Variants in RAD51 observed in about 807,000 individuals in gnomAD.
RAD51 encodes RAD51 recombinase.
RAD51 carries 14 observed loss-of-function variants against 41.5 expected under a neutral mutation model. The observed-to-expected ratio is 0.34, with a 90% CI of 0.22 to 0.53. The LOEUF (loss-of-function observed/expected upper bound fraction) is 0.53. Ranked by LOEUF, RAD51 falls within the 20% of genes least tolerant of loss-of-function variation. The probability of loss-of-function intolerance (pLI) is 0.95; values close to 1 mark genes in which losing one functional copy is unlikely to be tolerated. For synonymous variants in RAD51, 136 were observed against 148.6 expected, an observed-to-expected ratio of 0.92 and a Z score of 0.62; for missense variants, 234 against 422.0, an observed-to-expected ratio of 0.55 and a Z score of 3.90.
intron 2 of RAD51, among the ~76,000 whole-genome samples, chr15:40,699,718 T>C (rs901199881): frequency 1.3e-5 from 2 of 152,218 alleles, no homozygotes; most frequent in Admixed American, 6.5e-5. Context: ...TCAGCTGTCA[T>C]TGGCAGAGAG....
At chr15:40,713,991 A>ATGCTT (rs1895855561) in intron 5 of RAD51, among the ~76,000 whole-genome samples, 1 of 72,630 alleles carries the variant, frequency 1.4e-5, no homozygotes, top group Non-Finnish European at 2.6e-5. Flanking sequence ...TCAGAAATAA[A>ATGCTT]TTCTTTTTTT....
chr15:40,706,346 G>A, intron 4 of RAD51, 52 bp downstream of exon 4: 1 of 1,404,834 alleles, frequency 7.1e-7, no homozygotes, highest in Non-Finnish European at 1.0e-6. Context: ...AAAGCTTCCA[G>A]GTTATAAAAC....
intron 9 of RAD51, 63 bp from the exon 10 acceptor site, chr15:40,730,992 A>G (rs1446564608): frequency 6.2e-7 from 1 of 1,609,168 alleles, no homozygotes; most frequent in Non-Finnish European, 8.5e-7. Flanking sequence ...CTCTGTTACA[A>G]AGTCAGGAAC....
chr15:40,729,875 C>G lies in RAD51; in HGVS notation c.797C>G (p.Thr266Ser). The change falls in exon 9 of 10, where the codon ACT becomes AGT. Residue 266 changes from threonine to serine, a missense_variant. Thr to Ser is a moderately conservative substitution (Grantham distance 58, BLOSUM62 1). Around this residue, in one of 2 missense-constraint regions of RAD51, gnomAD observed 134 missense variants for 286.5 expected, o/e 0.47. Coordinates refer to ENST00000267868, the MANE Select transcript of RAD51 (RefSeq NM_002875.5). Reference protein sequence around the residue: ...ADEFGVAVVITNQVVAQVDGA... With the variant: ...ADEFGVAVVISNQVVAQVDGA... ...CAGTTTGGTGTAGCAGTGGTAATCA[C>G]TAATCAGGTGGTAGCTCAAGTGGAT... 6.2e-7 allele frequency: 1 copy of G among 1,614,180 alleles called. No homozygotes were observed. Among genetic ancestry groups the G allele is most frequent in the Non-Finnish European group, 8.5e-7 (1 of 1,180,036 alleles).
rs865913451 is a variant in RAD51, at chr15:40,705,577, T to C, written c.226-600T>C. 1.6e-4 allele frequency among the ~76,000 whole-genome samples: 25 copies of C among 152,266 alleles called. No individual in the cohort carries two copies. The South Asian group carries it at 1.7e-3, about 10-fold the overall frequency. On this transcript the variant is annotated intron_variant, in intron 3 of 9. Transcript: ENST00000267868. ...TGTCATAAATTGGGCAAAACACATA[T>C]GTACGGATCTCTAATAGTTTTTTGT...
chr15:40,710,592 C>A (rs1168483461), intron 5 of RAD51, among the ~76,000 whole-genome samples: 1 of 150,936 alleles, frequency 6.6e-6, no homozygotes, highest in Non-Finnish European at 1.5e-5. Context: ...TCTTGGCAGT[C>A]TACTTTCTCC....
At chr15:40,699,511 C>A (rs1894853609) in intron 2 of RAD51, among the ~76,000 whole-genome samples, 1 of 152,180 alleles carries the variant, frequency 6.6e-6, no homozygotes. Flanking sequence ...ATCTTGAACT[C>A]CTGGCCTCAA....
At chr15:40,707,916 C>A (rs371164375) in intron 4 of RAD51, among the ~76,000 whole-genome samples, 2 of 151,678 alleles carry the variant, frequency 1.3e-5, no homozygotes, top group East Asian at 3.9e-4. Context: ...CGGGATTTCA[C>A]CGTCTTGGCC....
chr15:40,727,123 AT>A (rs72416525), intron 6 of RAD51, among the ~76,000 whole-genome samples: 3,978 of 151,062 alleles, frequency 0.026, 173 homozygotes, highest in African/African-American at 0.092. Context: ...TTAATTTTTA[AT>A]TTTTTTTTAA....
chr15:40,701,590 C>G (rs1894998838), intron 3 of RAD51, among the ~76,000 whole-genome samples: 1 of 151,652 alleles, frequency 6.6e-6, no homozygotes, highest in Non-Finnish European at 1.5e-5. Context: ...CTCAGCCTCC[C>G]AAAGTGCTGG....
intron 6 of RAD51, among the ~76,000 whole-genome samples, chr15:40,726,912 CAAA>C (rs529781901): frequency 5.8e-5 from 7 of 120,568 alleles, no homozygotes; most frequent in South Asian, 2.7e-4. Context: ...GACTCCGTCT[CAAA>C]AAAAAAAAAA....
chr15:40,713,939 G>C (rs1895852387), intron 5 of RAD51, among the ~76,000 whole-genome samples: 2 of 151,126 alleles, frequency 1.3e-5, no homozygotes, highest in Non-Finnish European at 2.9e-5. Context: ...AGCCAAGCTA[G>C]CATGTCAGTA....
intron 2 of RAD51, among the ~76,000 whole-genome samples, chr15:40,699,680 TTCTC>T (rs1384021024): frequency 5.3e-5 from 8 of 152,330 alleles, no homozygotes; most frequent in African/African-American, 1.9e-4. Context: ...GGGAAGCACC[TTCTC>T]TCCATTAACC....
intron 3 of RAD51, among the ~76,000 whole-genome samples, chr15:40,705,630 A>G (rs958882044): frequency 6.6e-6 from 1 of 152,162 alleles, no homozygotes; most frequent in Non-Finnish European, 1.5e-5. Context: ...TTTGAGACAG[A>G]GTCTCGCTCT....
Position 40,707,150 on chromosome 15 carries a change from A to ATT in RAD51, c.343+881_343+882dup, listed in dbSNP as rs751900607. On this transcript the variant is annotated intron_variant, in intron 4 of 9. Transcript: ENST00000267868. ...ACTATGATCATTTACCACCTGGCTA[A>ATT]TTTTTTTTTTTTTTTTTTTTTTTTT... Among the ~76,000 whole-genome samples, 739 of 93,608 alleles carry ATT rather than the reference A, an allele frequency of 7.9e-3. 44 individuals are homozygous for ATT. Among genetic ancestry groups the ATT allele is most frequent in the African/African-American group, 0.019 (452 of 23,706 alleles). The allele number at this position is 93,608 out of a possible 152,430, so 61.4% of individuals were successfully genotyped here.
chr15:40,701,872 C>T (rs769466373), intron 3 of RAD51: 6 of 384,184 alleles, frequency 1.6e-5, no homozygotes, highest in South Asian at 1.1e-4. Flanking sequence ...CACCCTCCGC[C>T]TCTCAGGTTC....
At chr15:40,707,261 T>G (rs551242651) in intron 4 of RAD51, among the ~76,000 whole-genome samples, 3 of 143,758 alleles carry the variant, frequency 2.1e-5, no homozygotes, top group Admixed American at 1.5e-4. Flanking sequence ...CCTCCCAAAG[T>G]GCTGGGATTA....
chr15:40,694,882 G>A (rs1002049583), upstream of RAD51: 2 of 152,196 alleles, frequency 1.3e-5, no homozygotes, highest in East Asian at 3.9e-4. Context: ...ACTGGGGTAG[G>A]AGTAGGGGCG....
intron 5 of RAD51, among the ~76,000 whole-genome samples, chr15:40,711,779 AAAAAGATACATC>A (rs879550631): frequency 2.0e-5 from 3 of 152,184 alleles, no homozygotes; most frequent in Non-Finnish European, 2.9e-5. Flanking sequence ...GATGACCCTT[AAAAAGATACATC>A]AAACTGGGCA....
Sources: gnomAD v4.1 joint callset for allele counts (sites outside exome capture counted in the v4.1 genomes callset) on GRCh38, gnomAD v4.1.1 for gene constraint, gnomAD v4.1.1 regional missense constraint, MANE v1.5 for transcripts, NCBI Gene and HGNC (gene_info 2026-07-23, HGNC 2026-07-21) for gene names.